MAPK6: variants seen among roughly 807,000 people sequenced by gnomAD.
MAPK6 encodes the protein mitogen-activated protein kinase 6, also known as ERK-3.
In MAPK6, 19 loss-of-function variants were observed where a neutral mutation model predicts 59.3. The observed-to-expected ratio is 0.32, with a 90% CI of 0.22 to 0.47. MAPK6 has a LOEUF of 0.47. Among genes scored for constraint, MAPK6 ranks in the 20% least tolerant of loss-of-function variants. The pLI is 1.00. For missense variants in MAPK6, 724 were observed against 847.9 expected, an observed-to-expected ratio of 0.85 and a Z score of 1.81; for synonymous variants, 316 against 290.3, an observed-to-expected ratio of 1.09 and a Z score of -0.90.
intron 5 of MAPK6, among the ~76,000 whole-genome samples, 189 bp from the exon 6 acceptor site, chr15:52,063,713 C>T (rs1234118355): frequency 6.6e-6 from 1 of 152,132 alleles, no homozygotes; most frequent in Non-Finnish European, 1.5e-5. Context: ...ACTGCATTGG[C>T]AATTACCAAA....
intron 2 of MAPK6, among the ~76,000 whole-genome samples, chr15:51,987,762 CTTTTTTT>C (rs775968493): frequency 8.0e-6 from 1 of 125,496 alleles, no homozygotes; most frequent in Non-Finnish European, 1.6e-5. Context: ...GCTCATAGTA[CTTTTTTT>C]TTTTTTTTTT....
intron 1 of MAPK6, among the ~76,000 whole-genome samples, chr15:52,033,109 A>G (rs973009042): frequency 6.6e-5 from 10 of 152,214 alleles, no homozygotes; most frequent in Admixed American, 2.6e-4. Context: ...GGCACCTGGC[A>G]TCTTTCTACT....
At chr15:51,980,305 A>C (rs1292042162) in intron 1 of MAPK6, among the ~76,000 whole-genome samples, 2 of 150,506 alleles carry the variant, frequency 1.3e-5, no homozygotes, top group African/African-American at 4.9e-5. Flanking sequence ...AAAAAAAAAA[A>C]GAAAAAAAAA....
chr15:52,064,819 T>G lies in MAPK6; in HGVS notation c.1985T>G (p.Leu662Arg). 6.2e-7 allele frequency: 1 copy of G among 1,611,984 alleles called. No individual in the cohort carries two copies. Among genetic ancestry groups the G allele is most frequent in the East Asian group, 2.2e-5 (1 of 44,876 alleles). The change falls in exon 6 of 6, where the codon CTG (leucine) becomes CGG (arginine). Residue 662 changes from leucine to arginine, a missense_variant. Physicochemically the swap from Leu to Arg is moderately radical, Grantham distance 102 (BLOSUM62 -2). Coordinates refer to ENST00000261845, the MANE Select transcript of MAPK6 (RefSeq NM_002748.4). Reference sequence around the variant, plus strand: ...GAGAGAGGACATGAGGAAGGATTTCTGAACAACAGTGGGGAGTTCCTCTTT... The same window carrying G: ...GAGAGAGGACATGAGGAAGGATTTCGGAACAACAGTGGGGAGTTCCTCTTT... ...LGERGHEEGF[L>R]NNSGEFLFNK... is the part of the protein sequence containing the mutation.
At chr15:52,036,394 A>C (rs2031242996) in intron 1 of MAPK6, among the ~76,000 whole-genome samples, 1 of 152,122 alleles carries the variant, frequency 6.6e-6, no homozygotes, top group Non-Finnish European at 1.5e-5. Context: ...AGAGAAATTT[A>C]TTTCTTACAG....
intron 3 of MAPK6, among the ~76,000 whole-genome samples, chr15:52,054,667 C>CTT (rs201385524): frequency 2.7e-5 from 4 of 149,424 alleles, no homozygotes; most frequent in Non-Finnish European, 5.9e-5. Context: ...ATTTTTGGAC[C>CTT]TTTTTTTTTC....
intron 3 of MAPK6, among the ~76,000 whole-genome samples, chr15:52,056,390 A>G (rs1286489686): frequency 6.6e-6 from 1 of 151,928 alleles, no homozygotes; most frequent in Non-Finnish European, 1.5e-5. Context: ...ACAGTCCCTC[A>G]GCTACTGCCA....
chr15:52,050,242 T>C (rs2031733173), intron 3 of MAPK6, 105 bp downstream of exon 3: 1 of 1,038,760 alleles, frequency 9.6e-7, no homozygotes, highest in Non-Finnish European at 1.4e-6. Flanking sequence ...TTATGATCTG[T>C]AATACTAAAA....
Position 52,008,931 on chromosome 15 carries a change from T to A in MAPK6, c.-632+4529T>A, listed in dbSNP as rs564507703. Among the ~76,000 whole-genome samples, 149 of 152,234 alleles carry A rather than the reference T, an allele frequency of 9.8e-4. 2 individuals are homozygous for A. The highest frequency in any genetic ancestry group is 3.3e-3 in the African/African-American group (138 of 41,528). On this transcript the variant is annotated intron_variant, in intron 3 of 7. Transcript: ENST00000691380. ...TGATGACATCTTCTGGGAAGGGAGTTCCAGTGGTAGTAATTATCAAGTGGT... is the reference window on the plus strand; with the variant it reads ...TGATGACATCTTCTGGGAAGGGAGTACCAGTGGTAGTAATTATCAAGTGGT...
intron 3 of MAPK6, chr15:52,010,882 A>T (rs1215878813): frequency 6.6e-6 from 1 of 152,196 alleles, no homozygotes; most frequent in African/African-American, 2.4e-5. Flanking sequence ...TGCAGGTGGT[A>T]GTCTTGCATT....
chr15:52,052,112 G>A (rs951313457), intron 3 of MAPK6, among the ~76,000 whole-genome samples: 4 of 152,142 alleles, frequency 2.6e-5, no homozygotes, highest in African/African-American at 9.7e-5. Context: ...ACGTTTTACA[G>A]TTTCTGTGTG....
At chr15:52,037,841 C>G (rs555537863) in intron 1 of MAPK6, among the ~76,000 whole-genome samples, 17 of 152,302 alleles carry the variant, frequency 1.1e-4, no homozygotes, top group African/African-American at 4.1e-4. Context: ...TACATTGATT[C>G]ATTCAGTACA....
chr15:52,013,003 AAAAAAAAAAAAAAAAAAATATATAT>A (rs1448167174), intron 3 of MAPK6, among the ~76,000 whole-genome samples: 489 of 18,852 alleles, frequency 0.026, 2 homozygotes, highest in Non-Finnish European at 0.045. Context: ...AAAAAAAAAA[AAAAAAAAAAAAAAAAAAATATATAT>A]ATATATATAT....
intron 1 of MAPK6, among the ~76,000 whole-genome samples, chr15:52,034,564 C>G (rs903021770): frequency 2.6e-5 from 4 of 152,164 alleles, no homozygotes; most frequent in South Asian, 2.1e-4. Flanking sequence ...CCTCGGCCCC[C>G]CAAAGTGCTA....
intron 5 of MAPK6, 52 bp downstream of exon 5, chr15:52,061,552 C>A: frequency 7.6e-7 from 1 of 1,323,902 alleles, no homozygotes; most frequent in Non-Finnish European, 1.1e-6. Flanking sequence ...TTCAGTGGAC[C>A]ATATGTAGTG....
chr15:52,034,627 C>G (rs910000462), intron 1 of MAPK6, among the ~76,000 whole-genome samples: 2 of 151,852 alleles, frequency 1.3e-5, no homozygotes, highest in African/African-American at 4.8e-5. Context: ...CTTTCTCTTC[C>G]TTCCTTCACT....
rs944034668 is a variant in MAPK6 at position 52,066,893 on chromosome 15, T to C, written c.*1893T>C. The C allele has an allele frequency of 6.6e-6, 1 of 151,822 alleles. No individual in the cohort carries two copies. The highest frequency in any genetic ancestry group is 6.6e-5 in the Admixed American group (1 of 15,218). The allele number at this position is 151,822 out of a possible 1,614,324, so 9.4% of individuals were successfully genotyped here. Reference sequence around the variant, plus strand: ...GAGGACAAGCTCTGAAGTGCAGTCATGAGAATTGATTTGTGGGGAAAAAAA... The same window carrying C: ...GAGGACAAGCTCTGAAGTGCAGTCACGAGAATTGATTTGTGGGGAAAAAAA... On this transcript the variant is annotated 3_prime_UTR_variant, in exon 6 of 6. Transcript: ENST00000261845.
In MAPK6 at chr15:51,987,709, C is replaced by G. The variant is rs186209723; in HGVS notation, c.-770+4394C>G. Among the ~76,000 whole-genome samples the G allele has an allele frequency of 9.3e-5, 14 of 150,984 alleles. No individual in the cohort carries two copies. In the East Asian group the frequency reaches 2.7e-3, roughly 29 times the overall value. On this transcript the variant is annotated intron_variant, in intron 2 of 7. Coordinates refer to the MAPK6 transcript ENST00000691380. ...TCCACTTTCCTGAATTTTTACTGCT[C>G]TTTTTGACTTTGGCACTTACTCGTA... is the stretch of plus-strand genomic sequence containing the variant.
chr15:52,007,747 G>C (rs1370943372), intron 3 of MAPK6, among the ~76,000 whole-genome samples: 1 of 149,790 alleles, frequency 6.7e-6, no homozygotes. Flanking sequence ...TCACCAAAAT[G>C]ACATAATTTC....
Sources: gnomAD v4.1 joint callset for allele counts (sites outside exome capture counted in the v4.1 genomes callset) on GRCh38, gnomAD v4.1.1 for gene constraint, MANE v1.5 for transcripts, NCBI Gene and HGNC (gene_info 2026-07-23, HGNC 2026-07-21) for gene names.